COL5A2: variants seen among roughly 807,000 people sequenced by gnomAD.
The protein encoded by COL5A2 is collagen type V alpha 2 chain.
COL5A2 carries 23 observed loss-of-function variants against 208.2 expected under a neutral mutation model. The ratio of observed to expected loss-of-function variants is 0.11; its 90% CI spans 0.08 to 0.16. COL5A2 has a LOEUF of 0.16. COL5A2 is among the 10% of genes least tolerant of loss of function. The pLI is 1.00. For missense variants in COL5A2, 1,590 were observed against 1,956.4 expected (o/e 0.81, Z 3.53); for synonymous variants, 625 against 628.5 (o/e 0.99, Z 0.08).
At chr2:189,069,462 T>C (rs991050726) in intron 18 of COL5A2, among the ~76,000 whole-genome samples, 5 of 152,202 alleles carry the variant, frequency 3.3e-5, no homozygotes, top group Non-Finnish European at 7.3e-5. Context: ...TTCGGACTCT[T>C]TAACACAAAT....
the COL5A2 span, among the ~76,000 whole-genome samples, chr2:189,429,239 T>C: frequency 6.6e-6 from 1 of 152,218 alleles, no homozygotes; most frequent in African/African-American, 2.4e-5. Flanking sequence ...TAGAATTTTA[T>C]CTGTCAATTT....
At chr2:189,334,689 G>T in the COL5A2 span, among the ~76,000 whole-genome samples, 1 of 152,144 alleles carries the variant, frequency 6.6e-6, no homozygotes, top group East Asian at 1.9e-4. Context: ...TGCAGTCTCA[G>T]TTAAACGTAA....
intron 1 of COL5A2, among the ~76,000 whole-genome samples, chr2:189,153,451 G>T (rs1688184806): frequency 6.6e-6 from 1 of 152,148 alleles, no homozygotes; most frequent in Admixed American, 6.5e-5. Flanking sequence ...AGACAAATCT[G>T]CTTAACCCCA....
At chr2:189,223,094 T>C (rs1002681326) in intron 1 of COL5A2, among the ~76,000 whole-genome samples, 1 of 152,156 alleles carries the variant, frequency 6.6e-6, no homozygotes, top group Non-Finnish European at 1.5e-5. Context: ...AAAAATGTGC[T>C]CCCATATAAA....
the COL5A2 span, among the ~76,000 whole-genome samples, chr2:189,405,296 A>G: frequency 7.6e-4 from 115 of 151,970 alleles, no homozygotes; most frequent in African/African-American, 2.7e-3. Flanking sequence ...CAGTGGCACA[A>G]TCTTGGCTCA....
rs114830458 is a variant in COL5A2, at chr2:189,044,784, G to C, written c.3363+395C>G. Among the ~76,000 whole-genome samples the C allele has an allele frequency of 3.7e-3, 564 of 152,144 alleles. 2 individuals carry two copies. The highest frequency in any genetic ancestry group is 0.013 in the African/African-American group (527 of 41,530). On this transcript the variant is annotated intron_variant, in intron 47 of 53. Transcript: ENST00000374866. ...CAAATAGCACAAAGATCAGAACATA[G>C]AAAGAAAAATCTAGTTGAAAATGAA...
chr2:189,293,834 C>T, the COL5A2 span, among the ~76,000 whole-genome samples: 103 of 152,212 alleles, frequency 6.8e-4, no homozygotes, highest in Non-Finnish European at 1.2e-3. Flanking sequence ...GCCTGTAATC[C>T]CAGCACTTTG....
intron 51 of COL5A2, 104 bp from the exon 52 acceptor site, chr2:189,036,907 T>C (rs567271483): frequency 2.1e-6 from 2 of 937,542 alleles, no homozygotes; most frequent in Admixed American, 2.1e-5. Flanking sequence ...ACTCACTGAT[T>C]AAGGATTCTT....
chr2:189,261,261 C>A, the COL5A2 span, among the ~76,000 whole-genome samples: 3 of 152,088 alleles, frequency 2.0e-5, no homozygotes, highest in African/African-American at 7.2e-5. Flanking sequence ...AGTTATGTAT[C>A]CCTAATTGAA....
the COL5A2 span, among the ~76,000 whole-genome samples, chr2:189,330,957 T>A: frequency 3.9e-5 from 6 of 152,298 alleles, no homozygotes; most frequent in African/African-American, 1.4e-4. Flanking sequence ...AGGAAAGTAG[T>A]TAATACAAGC....
chr2:189,233,255 C>T, the COL5A2 span, among the ~76,000 whole-genome samples: 1 of 151,662 alleles, frequency 6.6e-6, no homozygotes, highest in African/African-American at 2.4e-5. Flanking sequence ...TAATTGAAGG[C>T]TGAGATCCAG....
the COL5A2 span, among the ~76,000 whole-genome samples, chr2:189,283,587 A>G: frequency 2.0e-5 from 3 of 152,068 alleles, no homozygotes; most frequent in Admixed American, 6.6e-5. Context: ...ACTACATGTA[A>G]TGTGGTATCT....
chr2:189,072,018 T>C (rs1686285291), intron 18 of COL5A2, 22 bp downstream of exon 18: 1 of 1,497,574 alleles, frequency 6.7e-7, no homozygotes, highest in Non-Finnish European at 9.3e-7. Flanking sequence ...TTAAATACTG[T>C]ATATTAACAT....
chr2:189,165,887 C>T lies in COL5A2; in HGVS notation c.97+13621G>A, dbSNP rs960425646. Among the ~76,000 whole-genome samples the T allele has an allele frequency of 3.9e-5, 6 of 152,110 alleles. No homozygotes were observed. The East Asian group carries it at 9.6e-4, about 24-fold the overall frequency. On this transcript the variant is annotated intron_variant, in intron 1 of 53. Transcript: ENST00000374866. Reference sequence around the variant, plus strand: ...GTGTCCTACTCCTACTGCCTGTAGGCCTAGTTGACGGAATATGTGCTTTTA... The same window carrying T: ...GTGTCCTACTCCTACTGCCTGTAGGTCTAGTTGACGGAATATGTGCTTTTA...
the COL5A2 span, among the ~76,000 whole-genome samples, chr2:189,231,008 A>T: frequency 6.6e-6 from 1 of 151,956 alleles, no homozygotes; most frequent in Non-Finnish European, 1.5e-5. Flanking sequence ...AAAAAAGAAA[A>T]TCCTGGCATA....
the COL5A2 span, among the ~76,000 whole-genome samples, chr2:189,401,432 A>G: frequency 1.3e-5 from 2 of 152,198 alleles, no homozygotes; most frequent in African/African-American, 2.4e-5. Flanking sequence ...TCCATGGCAT[A>G]TATGTACTAC....
the COL5A2 span, among the ~76,000 whole-genome samples, chr2:189,378,180 T>C: frequency 6.6e-6 from 1 of 152,226 alleles, no homozygotes; most frequent in Non-Finnish European, 1.5e-5. Context: ...GTGATTTCTT[T>C]TTTAATGCAT....
the COL5A2 span, among the ~76,000 whole-genome samples, chr2:189,291,950 T>C: frequency 6.6e-6 from 1 of 152,130 alleles, no homozygotes; most frequent in Admixed American, 6.5e-5. Context: ...AAATAGAGAG[T>C]CTAATTCCAA....
intron 1 of COL5A2, among the ~76,000 whole-genome samples, chr2:189,173,359 T>G (rs1408424871): frequency 6.6e-6 from 1 of 152,150 alleles, no homozygotes; most frequent in East Asian, 1.9e-4. Context: ...TTAGTGAATA[T>G]TTTAGTATAA....
Sources: allele counts gnomAD v4.1 joint callset (sites outside exome capture counted in the v4.1 genomes callset), GRCh38; gene constraint gnomAD v4.1.1; transcripts MANE v1.5; gene names NCBI Gene and HGNC (gene_info 2026-07-23, HGNC 2026-07-21).